Variants in SCHIP1 observed in about 807,000 individuals in gnomAD.
SCHIP1 encodes schwannomin-interacting protein 1.
A neutral mutation model predicts 29.7 loss-of-function variants in SCHIP1; 8 were observed. That is an observed-to-expected ratio of 0.27 (90% CI 0.16 to 0.49). SCHIP1 has a LOEUF of 0.49. Among genes scored for constraint, SCHIP1 ranks in the 20% least tolerant of loss-of-function variants. The probability of loss-of-function intolerance (pLI) is 0.99; values close to 1 mark genes in which losing one functional copy is unlikely to be tolerated. For synonymous variants in SCHIP1, 76 were observed against 94.9 expected (o/e 0.80, Z 1.16); for missense variants, 193 against 294.6 (o/e 0.66, Z 2.52).
At chr3:159,661,598 C>T in the SCHIP1 span, among the ~76,000 whole-genome samples, 1 of 152,148 alleles carries the variant, frequency 6.6e-6, no homozygotes, top group African/African-American at 2.4e-5. Flanking sequence ...GAAATGTGCC[C>T]CAAACACGTA....
At chr3:159,494,692 C>A in the SCHIP1 span, among the ~76,000 whole-genome samples, 1 of 152,200 alleles carries the variant, frequency 6.6e-6, no homozygotes, top group South Asian at 2.1e-4. Flanking sequence ...GGAGCTGGTA[C>A]CATTCCTTCT....
chr3:159,289,528 T>C, the SCHIP1 span, among the ~76,000 whole-genome samples: 1 of 152,220 alleles, frequency 6.6e-6, no homozygotes, highest in African/African-American at 2.4e-5. Context: ...GAGTATTAAG[T>C]GGCAGCTCCT....
chr3:159,350,939 C>A, the SCHIP1 span, among the ~76,000 whole-genome samples: 381 of 151,926 alleles, frequency 2.5e-3, 6 homozygotes, highest in Admixed American at 0.022. Flanking sequence ...TTAAAAAAAA[C>A]CAAAATCTGT....
the SCHIP1 span, among the ~76,000 whole-genome samples, chr3:159,530,742 C>T: frequency 6.6e-6 from 1 of 152,324 alleles, no homozygotes; most frequent in East Asian, 1.9e-4. Flanking sequence ...TGCACAGAAT[C>T]TCCTGCTGCC....
chr3:159,414,444 C>T, the SCHIP1 span, among the ~76,000 whole-genome samples: 3 of 151,832 alleles, frequency 2.0e-5, no homozygotes, highest in Non-Finnish European at 2.9e-5. Context: ...AGTCCGAAGC[C>T]ACACTCTTTC....
the SCHIP1 span, among the ~76,000 whole-genome samples, chr3:159,704,972 T>C: frequency 6.6e-6 from 1 of 151,384 alleles, no homozygotes; most frequent in African/African-American, 2.4e-5. Flanking sequence ...CTTTTTTCTT[T>C]TGTTTTTTTA....
At chr3:159,615,169 A>T in the SCHIP1 span, among the ~76,000 whole-genome samples, 2,040 of 152,276 alleles carry the variant, frequency 0.013, 23 homozygotes, top group South Asian at 0.023. Flanking sequence ...AGGGACAAAT[A>T]TCTAGACCCA....
the SCHIP1 span, among the ~76,000 whole-genome samples, chr3:159,442,255 G>A: frequency 8.5e-5 from 13 of 152,196 alleles, no homozygotes; most frequent in South Asian, 1.0e-3. Context: ...AAAGTCAGCT[G>A]GAGAGCTGGC....
rs190343504 is a variant in SCHIP1 at position 159,878,149 on chromosome 3, A to C, written c.150-8058A>C. 2.6e-5 allele frequency among the ~76,000 whole-genome samples: 4 copies of C among 152,288 alleles called. No homozygotes were observed. The South Asian group carries it at 8.3e-4, about 32-fold the overall frequency. On this transcript the variant is annotated intron_variant, in intron 2 of 6. Transcript: ENST00000445224. ...TTTCTCCAACACACAAATGCTAATC[A>C]TCAACTCGGTCATGTTCTTTCCTTT...
At chr3:159,356,208 TA>T in the SCHIP1 span, among the ~76,000 whole-genome samples, 16,578 of 144,548 alleles carry the variant, frequency 0.11, 2,768 homozygotes, top group African/African-American at 0.37. Context: ...TAAAGTATAA[TA>T]AAAAAAAAAA....
chr3:159,677,836 C>CTT, the SCHIP1 span, among the ~76,000 whole-genome samples: 1 of 152,126 alleles, frequency 6.6e-6, no homozygotes, highest in African/African-American at 2.4e-5. Context: ...AGTTGCTCAT[C>CTT]TTTTTTGTTT....
chr3:159,319,235 C>T, the SCHIP1 span, among the ~76,000 whole-genome samples: 1 of 152,248 alleles, frequency 6.6e-6, no homozygotes. Flanking sequence ...TTCTGGACCC[C>T]ACTCACCATC....
At chr3:159,567,779 T>C in the SCHIP1 span, among the ~76,000 whole-genome samples, 1 of 152,140 alleles carries the variant, frequency 6.6e-6, no homozygotes, top group East Asian at 1.9e-4. Context: ...TTCAAAATTG[T>C]CTTGGTTATT....
the SCHIP1 span, among the ~76,000 whole-genome samples, chr3:159,524,727 A>G: frequency 1.3e-5 from 2 of 152,240 alleles, no homozygotes; most frequent in African/African-American, 2.4e-5. Flanking sequence ...GTTAAGTCTC[A>G]GATGACCCAA....
the SCHIP1 span, among the ~76,000 whole-genome samples, chr3:159,392,791 A>G: frequency 7.2e-5 from 11 of 152,096 alleles, no homozygotes; most frequent in African/African-American, 2.4e-4. Context: ...ATGTGTCTTT[A>G]TAGCAGCATG....
At chr3:159,787,101 T>C in the SCHIP1 span, among the ~76,000 whole-genome samples, 1 of 152,158 alleles carries the variant, frequency 6.6e-6, no homozygotes, top group African/African-American at 2.4e-5. Context: ...TTTGTACCCC[T>C]TTTTAGTAAA....
the SCHIP1 span, among the ~76,000 whole-genome samples, chr3:159,380,007 T>C: frequency 3.3e-5 from 5 of 152,192 alleles, no homozygotes; most frequent in Non-Finnish European, 7.3e-5. Flanking sequence ...CCTAGTTCGA[T>C]GCCTAAGATG....
the SCHIP1 span, among the ~76,000 whole-genome samples, chr3:159,586,380 C>T: frequency 1.3e-5 from 2 of 152,054 alleles, no homozygotes; most frequent in African/African-American, 4.8e-5. Flanking sequence ...GCAGTCAGGA[C>T]CCAACAATAA....
intron 2 of SCHIP1, among the ~76,000 whole-genome samples, chr3:159,867,599 G>A (rs1157268764): frequency 5.9e-5 from 9 of 152,148 alleles, no homozygotes; most frequent in African/African-American, 2.2e-4. Flanking sequence ...CTCTGTCTCA[G>A]AACATTCCCT....
Sources: allele counts gnomAD v4.1 joint callset (sites outside exome capture counted in the v4.1 genomes callset), GRCh38; gene constraint gnomAD v4.1.1; transcripts MANE v1.5; gene names NCBI Gene and HGNC (gene_info 2026-07-23, HGNC 2026-07-21).